Variants in CLNK observed in about 807,000 individuals in gnomAD.
The protein encoded by CLNK is cytokine dependent hematopoietic cell linker.
Under a neutral mutation model 68.6 loss-of-function variants are expected in CLNK, and 74 were observed. The ratio of observed to expected loss-of-function variants is 1.08; its 90% CI spans 0.89 to 1.31. The LOEUF is 1.31. CLNK is among the 50% of genes most tolerant of loss of function. CLNK has a pLI of 0.00. For synonymous variants in CLNK, 198 were observed against 172.2 expected, an observed-to-expected ratio of 1.15 and a Z score of -1.17; for missense variants, 553 against 515.3, an observed-to-expected ratio of 1.07 and a Z score of -0.71.
chr4:10,678,513 A>G (rs1724959492), intron 1 of CLNK, among the ~76,000 whole-genome samples: 1 of 152,144 alleles, frequency 6.6e-6, no homozygotes, highest in South Asian at 2.1e-4. Flanking sequence ...GAATTGTAAG[A>G]CACCCAAGGC....
At chr4:10,516,763 C>G (rs575818057) in intron 15 of CLNK, among the ~76,000 whole-genome samples, 1 of 152,168 alleles carries the variant, frequency 6.6e-6, no homozygotes, top group Non-Finnish European at 1.5e-5. Flanking sequence ...GCTAGCCAGT[C>G]TGGTCTTGAA....
intron 3 of CLNK, among the ~76,000 whole-genome samples, chr4:10,587,892 C>T (rs1023602789): frequency 6.6e-6 from 1 of 152,170 alleles, no homozygotes; most frequent in African/African-American, 2.4e-5. Context: ...GACCTCAGAG[C>T]CCTTGTGGTT....
the CLNK span, among the ~76,000 whole-genome samples, chr4:10,722,886 C>T: frequency 2.6e-5 from 4 of 152,110 alleles, no homozygotes. Flanking sequence ...ACCGTCTCTA[C>T]TAAAAATACA....
At chr4:10,654,140 A>G (rs1420176478) in intron 2 of CLNK, among the ~76,000 whole-genome samples, 2 of 152,048 alleles carry the variant, frequency 1.3e-5, no homozygotes, top group Non-Finnish European at 2.9e-5. Context: ...AAGGAGAGTG[A>G]AAGAAAGAAA....
intron 2 of CLNK, among the ~76,000 whole-genome samples, chr4:10,608,849 G>C (rs536628702): frequency 1.3e-5 from 2 of 152,204 alleles, no homozygotes; most frequent in South Asian, 4.2e-4. Context: ...CCAAAATCAA[G>C]CTACCCTTAG....
At chr4:10,523,986 C>T in intron 14 of CLNK, 2 of 342,682 alleles carry the variant, frequency 5.8e-6, no homozygotes, top group Non-Finnish European at 1.2e-5. Flanking sequence ...GATTGTGCCA[C>T]TACAAGACAG....
At chr4:10,697,329 C>A in the CLNK span, 1 of 152,108 alleles carries the variant, frequency 6.6e-6, no homozygotes, top group African/African-American at 2.4e-5. Flanking sequence ...AGTTCAGAGA[C>A]ATGAATACTT....
the CLNK span, among the ~76,000 whole-genome samples, chr4:10,699,512 A>ATATATATATTTTT: frequency 4.0e-4 from 13 of 32,756 alleles, no homozygotes; most frequent in Admixed American, 9.6e-4. Flanking sequence ...ATATATATAT[A>ATATATATATTTTT]TTTTTTTTTT....
intron 1 of CLNK, among the ~76,000 whole-genome samples, chr4:10,673,378 A>C (rs4697776): frequency 0.28 from 42,628 of 151,906 alleles, 6,146 homozygotes; most frequent in Admixed American, 0.32. Context: ...CTCTTGCCTG[A>C]TTGCCCTGGA....
At chr4:10,558,970 T>C (rs568220969) in intron 7 of CLNK, among the ~76,000 whole-genome samples, 3 of 152,164 alleles carry the variant, frequency 2.0e-5, no homozygotes, top group Non-Finnish European at 4.4e-5. Context: ...ATCTGTGAAA[T>C]GGAGGTAACA....
intron 4 of CLNK, among the ~76,000 whole-genome samples, chr4:10,584,138 C>T (rs1397760565): frequency 6.6e-6 from 1 of 152,196 alleles, no homozygotes; most frequent in East Asian, 1.9e-4. Flanking sequence ...GTGCTCTCTC[C>T]CTGTGTGAAC....
At chr4:10,710,742 TA>T in the CLNK span, among the ~76,000 whole-genome samples, 6 of 152,194 alleles carry the variant, frequency 3.9e-5, no homozygotes, top group African/African-American at 1.4e-4. Context: ...TTAGGGTAAT[TA>T]ATACTACAGA....
At chr4:10,644,482 C>T (rs1723433732) in intron 2 of CLNK, among the ~76,000 whole-genome samples, 2 of 152,058 alleles carry the variant, frequency 1.3e-5, no homozygotes, top group Non-Finnish European at 2.9e-5. Flanking sequence ...GAGGTTTGGT[C>T]GCATGTAAAT....
intron 18 of CLNK, among the ~76,000 whole-genome samples, chr4:10,493,092 A>G (rs1716648266): frequency 6.6e-6 from 1 of 152,200 alleles, no homozygotes; most frequent in Admixed American, 6.5e-5. Flanking sequence ...CAAGGTGGGC[A>G]GAACACTTAA....
chr4:10,537,031 G>A (rs749263382), intron 11 of CLNK, among the ~76,000 whole-genome samples: 1 of 152,222 alleles, frequency 6.6e-6, no homozygotes, highest in Non-Finnish European at 1.5e-5. Flanking sequence ...TCTTAGCCCT[G>A]TCTGCATATT....
At chr4:10,544,100 T>C (rs1182263197) in intron 8 of CLNK, among the ~76,000 whole-genome samples, 2 of 152,232 alleles carry the variant, frequency 1.3e-5, no homozygotes, top group African/African-American at 4.8e-5. Flanking sequence ...TGACTTTCCC[T>C]GCAAAACTAG....
At chr4:10,619,286 C>T (rs924854023) in intron 2 of CLNK, among the ~76,000 whole-genome samples, 1 of 152,206 alleles carries the variant, frequency 6.6e-6, no homozygotes, top group African/African-American at 2.4e-5. Flanking sequence ...GCATTGTAAT[C>T]ACCGGCTAGG....
intron 2 of CLNK, among the ~76,000 whole-genome samples, chr4:10,614,984 G>A (rs772906193): frequency 4.6e-5 from 7 of 151,878 alleles, no homozygotes; most frequent in Non-Finnish European, 7.4e-5. Context: ...TCAGGTGTTC[G>A]AGACCAGCCT....
chr4:10,640,245 A>G (rs1173414108), intron 2 of CLNK, among the ~76,000 whole-genome samples: 1 of 152,084 alleles, frequency 6.6e-6, no homozygotes, highest in Non-Finnish European at 1.5e-5. Flanking sequence ...GCTCACTGCA[A>G]CCTCAGCCTC....
Sources: allele counts gnomAD v4.1 joint callset (sites outside exome capture counted in the v4.1 genomes callset), GRCh38; gene constraint gnomAD v4.1.1; transcripts MANE v1.5; gene names NCBI Gene and HGNC (gene_info 2026-07-23, HGNC 2026-07-21).